The following RIT2 variants were observed in gnomAD, a reference collection of about 807,000 sequenced individuals.
RIT2 encodes the protein GTP-binding protein Rit2.
In RIT2, 24 loss-of-function variants were observed where a neutral mutation model predicts 23.7. The observed-to-expected ratio is 1.01, with a 90% CI of 0.73 to 1.43. The LOEUF (loss-of-function observed/expected upper bound fraction) is 1.43. RIT2 is among the 40% of genes most tolerant of loss of function. The probability of loss-of-function intolerance (pLI) is 0.00; values close to 1 mark genes in which losing one functional copy is unlikely to be tolerated. For synonymous variants in RIT2, 107 were observed against 91.1 expected (o/e 1.17, Z -0.99); for missense variants, 236 against 266.9 (o/e 0.88, Z 0.81).
chr18:43,031,728 C>G (rs9950269), intron 2 of RIT2, among the ~76,000 whole-genome samples: 19,509 of 151,938 alleles, frequency 0.13, 1,436 homozygotes, highest in African/African-American at 0.18. Context: ...ATATATATCT[C>G]TCAATTATTT....
intron 1 of RIT2, among the ~76,000 whole-genome samples, chr18:43,076,851 C>CCCAG (rs1215566243): frequency 1.3e-5 from 2 of 151,990 alleles, no homozygotes; most frequent in Non-Finnish European, 2.9e-5. Context: ...TGCCTGTAAT[C>CCCAG]CCAGCACTTT....
intron 1 of RIT2, among the ~76,000 whole-genome samples, chr18:43,039,540 G>T (rs986307848): frequency 1.4e-4 from 22 of 152,024 alleles, no homozygotes; most frequent in African/African-American, 5.1e-4. Context: ...TAGAGACAGG[G>T]TTTCTCCGTG....
intron 2 of RIT2, among the ~76,000 whole-genome samples, chr18:42,991,336 A>G (rs1441279694): frequency 6.6e-6 from 1 of 152,196 alleles, no homozygotes; most frequent in Non-Finnish European, 1.5e-5. Context: ...ACTCCCATAC[A>G]CAGTGGTGGC....
intron 2 of RIT2, among the ~76,000 whole-genome samples, chr18:43,000,735 C>G (rs922212746): frequency 9.2e-5 from 14 of 152,030 alleles, no homozygotes; most frequent in Non-Finnish European, 1.6e-4. Context: ...CCCCTGCAGC[C>G]ATGTAAGATG....
intron 1 of RIT2, among the ~76,000 whole-genome samples, chr18:43,051,430 A>G (rs1041703069): frequency 5.3e-5 from 8 of 151,408 alleles, no homozygotes; most frequent in Non-Finnish European, 1.2e-4. Context: ...GGTGGATGGG[A>G]TGGTGACCTT....
intron 4 of RIT2, among the ~76,000 whole-genome samples, chr18:42,781,845 A>G (rs2143933039): frequency 6.6e-6 from 1 of 152,308 alleles, no homozygotes; most frequent in Admixed American, 6.5e-5. Context: ...GCAAAAGTCT[A>G]ATGGGGTAGA....
At chr18:43,076,080 T>C (rs1366125883) in intron 1 of RIT2, among the ~76,000 whole-genome samples, 1 of 152,220 alleles carries the variant, frequency 6.6e-6, no homozygotes, top group African/African-American at 2.4e-5. Context: ...GACAGGTTCC[T>C]TTTTGTGATA....
intron 4 of RIT2, among the ~76,000 whole-genome samples, chr18:42,842,390 G>A (rs1456258076): frequency 6.6e-6 from 1 of 152,134 alleles, no homozygotes; most frequent in Non-Finnish European, 1.5e-5. Flanking sequence ...TGGTGCAAAT[G>A]TAAATTACTA....
intron 2 of RIT2, among the ~76,000 whole-genome samples, chr18:42,993,674 G>A (rs1910908400): frequency 6.6e-6 from 1 of 151,958 alleles, no homozygotes; most frequent in Non-Finnish European, 1.5e-5. Context: ...CTGCTTCCCT[G>A]ACTATTCCTG....
At chr18:42,840,711 G>A (rs1235537560) in intron 4 of RIT2, among the ~76,000 whole-genome samples, 1 of 152,172 alleles carries the variant, frequency 6.6e-6, no homozygotes, top group Non-Finnish European at 1.5e-5. Context: ...GTGTTGGTCA[G>A]GCTGGTCTCG....
chr18:42,801,816 G>T (rs1259728851), intron 4 of RIT2, among the ~76,000 whole-genome samples: 1 of 152,166 alleles, frequency 6.6e-6, no homozygotes, highest in Non-Finnish European at 1.5e-5. Context: ...ATTTGAAAGT[G>T]TTTCCCATGA....
intron 4 of RIT2, among the ~76,000 whole-genome samples, chr18:42,779,457 C>T (rs190595117): frequency 3.3e-5 from 5 of 152,184 alleles, no homozygotes; most frequent in African/African-American, 7.2e-5. Flanking sequence ...TAGCTCACCC[C>T]GGTGGTTAAA....
At chr18:42,929,112 C>G (rs900811825) in intron 3 of RIT2, among the ~76,000 whole-genome samples, 1 of 143,544 alleles carries the variant, frequency 7.0e-6, no homozygotes, top group African/African-American at 2.6e-5. Context: ...AGTGAGGAGA[C>G]AGAGTTTGAT....
chr18:43,009,507 G>A (rs1028641732), intron 2 of RIT2, among the ~76,000 whole-genome samples: 3 of 151,812 alleles, frequency 2.0e-5, no homozygotes, highest in African/African-American at 7.2e-5. Flanking sequence ...AGAAGTGTCA[G>A]GCAACAGAAA....
intron 3 of RIT2, among the ~76,000 whole-genome samples, chr18:42,968,287 G>A (rs1198108637): frequency 6.6e-6 from 1 of 152,094 alleles, no homozygotes; most frequent in Non-Finnish European, 1.5e-5. Context: ...AATTCAAACT[G>A]GAACACCTTT....
chr18:43,076,566 G>T (rs4243267), intron 1 of RIT2, among the ~76,000 whole-genome samples: 27,447 of 151,976 alleles, frequency 0.18, 3,130 homozygotes, highest in East Asian at 0.55. Flanking sequence ...ACTGAATTTT[G>T]GTAAGTGCTA....
chr18:42,920,931 T>G (rs1211718120), intron 4 of RIT2, among the ~76,000 whole-genome samples: 1 of 151,890 alleles, frequency 6.6e-6, no homozygotes, highest in Non-Finnish European at 1.5e-5. Flanking sequence ...TTTATTTTTC[T>G]TTTGAGTCTG....
chr18:42,841,198 A>C (rs1340487921), intron 4 of RIT2, among the ~76,000 whole-genome samples: 1 of 152,230 alleles, frequency 6.6e-6, no homozygotes, highest in African/African-American at 2.4e-5. Flanking sequence ...GCAAACAGGC[A>C]TGATCATTGT....
chr18:42,895,465 T>C (rs1908302795), intron 4 of RIT2, among the ~76,000 whole-genome samples: 1 of 152,214 alleles, frequency 6.6e-6, no homozygotes, highest in South Asian at 2.1e-4. Context: ...ATACATATTA[T>C]TATTTTTACT....
Sources: gnomAD v4.1 joint callset for allele counts (sites outside exome capture counted in the v4.1 genomes callset) on GRCh38, gnomAD v4.1.1 for gene constraint, MANE v1.5 for transcripts, NCBI Gene and HGNC (gene_info 2026-07-23, HGNC 2026-07-21) for gene names.